The following CLSTN2 variants were observed in gnomAD, a reference collection of about 807,000 sequenced individuals.
The protein encoded by CLSTN2 is calsyntenin 2.
Under a neutral mutation model 101.2 loss-of-function variants are expected in CLSTN2, and 48 were observed. That is an observed-to-expected ratio of 0.47 (90% CI 0.38 to 0.60). The LOEUF is 0.60. Ranked by LOEUF, CLSTN2 falls within the 20% of genes least tolerant of loss-of-function variation. The pLI, the probability that CLSTN2 is intolerant of heterozygous loss-of-function variation, is 0.00. For missense variants in CLSTN2, 1,160 were observed against 1,238.2 expected (o/e 0.94, Z 0.95); for synonymous variants, 481 against 463.6 (o/e 1.04, Z -0.48).
rs77442230 is a variant in CLSTN2 at position 140,098,321 on chromosome 3, G to C, written c.110-77630G>C. Among the ~76,000 whole-genome samples the C allele has an allele frequency of 1.0e-3, 159 of 152,218 alleles. 1 individual carries two copies. Among genetic ancestry groups the C allele is most frequent in the African/African-American group, 3.5e-3 (144 of 41,538 alleles). On this transcript the variant is annotated intron_variant, in intron 1 of 16. Transcript: ENST00000458420. ...AAGTTGTAATCTTCTACCAACTTCT[G>C]CAAAGATGGTACAATCTGCAAAGTT...
intron 1 of CLSTN2, among the ~76,000 whole-genome samples, chr3:139,973,089 G>A (rs76764473): frequency 0.011 from 1,723 of 152,350 alleles, 34 homozygotes; most frequent in African/African-American, 0.038. Flanking sequence ...TGCTCACTGT[G>A]AGCAGGGCTC....
At chr3:139,990,939 T>G (rs1231283938) in intron 1 of CLSTN2, among the ~76,000 whole-genome samples, 1 of 152,222 alleles carries the variant, frequency 6.6e-6, no homozygotes, top group Non-Finnish European at 1.5e-5. Context: ...ATAGCTAGCA[T>G]AGCCAGCTCA....
chr3:140,500,559 A>G (rs1934557164), intron 8 of CLSTN2, among the ~76,000 whole-genome samples: 1 of 152,150 alleles, frequency 6.6e-6, no homozygotes, highest in Admixed American at 6.5e-5. Flanking sequence ...GTGTTTGATT[A>G]GTGTTGTGTT....
intron 2 of CLSTN2, among the ~76,000 whole-genome samples, chr3:140,291,119 C>A (rs547311998): frequency 6.6e-6 from 1 of 152,190 alleles, no homozygotes; most frequent in Non-Finnish European, 1.5e-5. Flanking sequence ...TAAAAGGGGG[C>A]TAATATTAAT....
chr3:140,087,931 G>A (rs1408882883), intron 1 of CLSTN2, among the ~76,000 whole-genome samples: 1 of 152,146 alleles, frequency 6.6e-6, no homozygotes, highest in Non-Finnish European at 1.5e-5. Context: ...AATTGCACAG[G>A]TGGCAGTGGC....
intron 1 of CLSTN2, among the ~76,000 whole-genome samples, chr3:139,961,502 A>T (rs1488287509): frequency 6.6e-6 from 1 of 152,196 alleles, no homozygotes; most frequent in Non-Finnish European, 1.5e-5. Context: ...AATATGCAAC[A>T]AAGTTAGGTG....
chr3:140,532,199 T>A, intron 8 of CLSTN2, 125 bp from the exon 9 acceptor site: 1 of 648,110 alleles, frequency 1.5e-6, no homozygotes, highest in Non-Finnish European at 2.5e-6. Flanking sequence ...GTTATATTCC[T>A]TGAGTGCTTT....
chr3:140,007,326 G>A (rs1473433178), intron 1 of CLSTN2, among the ~76,000 whole-genome samples: 1 of 152,232 alleles, frequency 6.6e-6, no homozygotes, highest in African/African-American at 2.4e-5. Flanking sequence ...CTGATTAGAT[G>A]GTGTGGAAAC....
At chr3:140,261,470 G>A (rs151071738) in intron 2 of CLSTN2, among the ~76,000 whole-genome samples, 5 of 151,964 alleles carry the variant, frequency 3.3e-5, no homozygotes, top group African/African-American at 9.6e-5. Context: ...TTTTGGCACC[G>A]CAAGATACTC....
chr3:140,044,340 T>C (rs2007824189), intron 1 of CLSTN2, among the ~76,000 whole-genome samples: 1 of 152,182 alleles, frequency 6.6e-6, no homozygotes, highest in Non-Finnish European at 1.5e-5. Context: ...TGTCTGTTAT[T>C]GATGTATAAG....
chr3:139,972,601 G>A (rs1483902502), intron 1 of CLSTN2, among the ~76,000 whole-genome samples: 1 of 152,130 alleles, frequency 6.6e-6, no homozygotes. Flanking sequence ...TGGCTTATAA[G>A]GATTCCATGA....
chr3:140,335,939 C>A (rs965654637), intron 2 of CLSTN2, among the ~76,000 whole-genome samples: 1 of 152,118 alleles, frequency 6.6e-6, no homozygotes, highest in Non-Finnish European at 1.5e-5. Flanking sequence ...GGATCCCTCC[C>A]GTCCCATAAA....
Position 140,459,588 on chromosome 3 carries a change from G to T in CLSTN2, c.1041G>T (p.Leu347=). 6.2e-7 allele frequency: 1 copy of T among 1,614,166 alleles called. No individual in the cohort carries two copies. The highest frequency in any genetic ancestry group is 8.5e-7 in the Non-Finnish European group (1 of 1,180,016). The part of the protein sequence containing the change: ...PSAATNWTAG[L]LVDSSEMIFK... ...CTGCCACCAACTGGACTGCAGGACT[G>T]CTGGTGGACAGCAGTGAGATGATCT... Residue 347 remains leucine (L), a synonymous_variant, in exon 7 of 17, where the codon CTG becomes CTT. Transcript: ENST00000458420.
At chr3:140,525,647 T>C (rs1935121224) in intron 8 of CLSTN2, among the ~76,000 whole-genome samples, 3 of 152,086 alleles carry the variant, frequency 2.0e-5, no homozygotes, top group Admixed American at 2.0e-4. Context: ...CAGGCCAATA[T>C]CCATGATGAA....
chr3:140,331,905 C>T (rs936807073), intron 2 of CLSTN2, among the ~76,000 whole-genome samples: 4 of 152,228 alleles, frequency 2.6e-5, no homozygotes, highest in Non-Finnish European at 5.9e-5. Context: ...CAAACCACTA[C>T]CGTGCTTATT....
At chr3:139,965,269 C>A (rs924114072) in intron 1 of CLSTN2, among the ~76,000 whole-genome samples, 2 of 152,194 alleles carry the variant, frequency 1.3e-5, no homozygotes, top group African/African-American at 4.8e-5. Context: ...AGAGCTGAAC[C>A]AACCTCCCTA....
chr3:140,116,991 C>A (rs2009254190), intron 1 of CLSTN2, among the ~76,000 whole-genome samples: 1 of 152,276 alleles, frequency 6.6e-6, no homozygotes, highest in South Asian at 2.1e-4. Context: ...GAAATTGCTC[C>A]CATATTCTGG....
intron 1 of CLSTN2, among the ~76,000 whole-genome samples, chr3:140,033,300 C>G (rs560568750): frequency 1.6e-4 from 25 of 152,328 alleles, no homozygotes; most frequent in Admixed American, 2.6e-4. Flanking sequence ...TGTGCCCCCC[C>G]AAACACAATA....
intron 2 of CLSTN2, among the ~76,000 whole-genome samples, chr3:140,355,425 G>A (rs2087659265): frequency 6.6e-6 from 1 of 152,164 alleles, no homozygotes; most frequent in African/African-American, 2.4e-5. Context: ...AATGCCCTCA[G>A]CATATAGCAT....
Sources: gnomAD v4.1 joint callset for allele counts (sites outside exome capture counted in the v4.1 genomes callset) on GRCh38, gnomAD v4.1.1 for gene constraint, MANE v1.5 for transcripts, NCBI Gene and HGNC (gene_info 2026-07-23, HGNC 2026-07-21) for gene names.